MAPKAP1: variants seen among roughly 807,000 people sequenced by gnomAD.
The protein encoded by MAPKAP1 is MAPK associated protein 1.
A neutral mutation model predicts 65.7 loss-of-function variants in MAPKAP1; 20 were observed. The observed-to-expected ratio is 0.30, with a 90% CI of 0.21 to 0.44. MAPKAP1 has a LOEUF of 0.44. Among genes scored for constraint, MAPKAP1 ranks in the 20% least tolerant of loss-of-function variants. The pLI, the probability that MAPKAP1 is intolerant of heterozygous loss-of-function variation, is 1.00. For missense variants in MAPKAP1, 423 were observed against 648.0 expected (o/e 0.65, Z 3.77); for synonymous variants, 222 against 244.3 (o/e 0.91, Z 0.85).
At chr9:125,535,911 G>C (rs1484131716) in intron 7 of MAPKAP1, among the ~76,000 whole-genome samples, 1 of 152,016 alleles carries the variant, frequency 6.6e-6, no homozygotes, top group African/African-American at 2.4e-5. Context: ...CTTCCTTTCA[G>C]TCTGCTTTTT....
chr9:125,503,880 C>CTTTTTTTTTTTTTTT lies in MAPKAP1; in HGVS notation c.1066+2415_1066+2429dup, dbSNP rs35867576. 1.0e-3 allele frequency among the ~76,000 whole-genome samples: 67 copies of CTTTTTTTTTTTTTTT among 66,238 alleles called. 10 individuals carry two copies. Among genetic ancestry groups the CTTTTTTTTTTTTTTT allele is most frequent in the East Asian group, 4.5e-3 (7 of 1,540 alleles). 43.5% of individuals were successfully genotyped at this position (66,238 alleles called of 152,430 possible). On this transcript the variant is annotated intron_variant, in intron 8 of 11. Transcript: ENST00000265960. ...TATAGGCACCCGCCACCACGCTTGGCTTTTTTTTTTTTTTTTTTTTTTTTT... is the reference window on the plus strand; with the variant it reads ...TATAGGCACCCGCCACCACGCTTGGCTTTTTTTTTTTTTTTTTTTTTTTTTTTTTTTTTTTTTTTT...
In MAPKAP1 at chr9:125,669,851, T is replaced by A; in HGVS notation, c.316A>T (p.Ile106Phe). Residue 106 changes from isoleucine (I) to phenylalanine (F), a missense_variant, in exon 3 of 12, where the codon ATT becomes TTT. Around this residue, in one of 6 missense-constraint regions of MAPKAP1, gnomAD observed 67 missense variants for 69.6 expected, o/e 0.96. Transcript: ENST00000265960. The stretch of plus-strand genomic sequence containing the variant: ...TTAGAATTTCTTTCTTTCCACTGAA[T>A]ATTTTTGCATTTGATCTGGTTTTGT... The part of the protein sequence containing the change: ...ERQNQIKCKN[I>F]QWKERNSKQS... The A allele has an allele frequency of 6.3e-7, 1 of 1,592,884 alleles. No individual in the cohort carries two copies. The highest frequency in any genetic ancestry group is 8.6e-7 in the Non-Finnish European group (1 of 1,166,974).
chr9:125,453,866 G>A (rs1264034193), intron 10 of MAPKAP1, among the ~76,000 whole-genome samples: 4 of 152,196 alleles, frequency 2.6e-5, no homozygotes, highest in Non-Finnish European at 4.4e-5. Flanking sequence ...CAAGCTCAGT[G>A]ATGGAAATTT....
At chr9:125,626,421 C>G (rs564792255) in intron 4 of MAPKAP1, among the ~76,000 whole-genome samples, 20 of 152,344 alleles carry the variant, frequency 1.3e-4, no homozygotes, top group African/African-American at 4.8e-4. Flanking sequence ...AAGCTTGTCT[C>G]CTATGCAGAT....
At position 125,447,906 on chromosome 9, in the gene MAPKAP1, G is replaced by T. The variant is rs1043194275; in HGVS notation, c.1346-3308C>A. ...GAAGATGCCACAGGGCAAGGAAACG[G>T]CATGGGCAAACATACAGGGTCTCCA... On this transcript the variant is annotated intron_variant, in intron 10 of 11. Coordinates refer to ENST00000265960, the MANE Select transcript of MAPKAP1 (RefSeq NM_001006617.3). The surrounding 1 kb of genome is among the most constrained non-coding windows in gnomAD (Gnocchi z 4.5). 8.5e-5 allele frequency among the ~76,000 whole-genome samples: 13 copies of T among 152,210 alleles called. No individual in the cohort carries two copies. The highest frequency in any genetic ancestry group is 2.1e-4 in the South Asian group (1 of 4,832).
intron 4 of MAPKAP1, among the ~76,000 whole-genome samples, chr9:125,600,695 C>T (rs1832275545): frequency 6.6e-6 from 1 of 152,054 alleles, no homozygotes; most frequent in Non-Finnish European, 1.5e-5. Flanking sequence ...AGAGAAGAAC[C>T]ACATTCTCTT....
intron 4 of MAPKAP1, among the ~76,000 whole-genome samples, chr9:125,623,737 G>GC (rs1387919458): frequency 7.1e-5 from 3 of 42,410 alleles, no homozygotes; most frequent in African/African-American, 1.6e-4. Context: ...CCGGCCAGCC[G>GC]CCCCATCCGG....
At chr9:125,443,928 G>A (rs1283059199) in intron 11 of MAPKAP1, among the ~76,000 whole-genome samples, 1 of 152,054 alleles carries the variant, frequency 6.6e-6, no homozygotes, top group Non-Finnish European at 1.5e-5. Context: ...TGTGTTTTAT[G>A]CCTGTTTCCT....
At chr9:125,525,010 C>G (rs1038125035) in intron 7 of MAPKAP1, among the ~76,000 whole-genome samples, 1 of 152,244 alleles carries the variant, frequency 6.6e-6, no homozygotes, top group African/African-American at 2.4e-5. Context: ...AAATGAGCAG[C>G]TGCGCAGACA....
intron 9 of MAPKAP1, among the ~76,000 whole-genome samples, chr9:125,483,707 G>A (rs1854397397): frequency 6.6e-6 from 1 of 152,182 alleles, no homozygotes; most frequent in African/African-American, 2.4e-5. Flanking sequence ...CCTAACCACT[G>A]TGTGAGTTGG....
Position 125,439,057 on chromosome 9 carries a change from C to G in MAPKAP1, c.1444-45G>C, listed in dbSNP as rs758580796. 6.2e-6 allele frequency: 10 copies of G among 1,605,208 alleles called. No individual in the cohort carries two copies. Among genetic ancestry groups the G allele is most frequent in the Non-Finnish European group, 8.5e-6 (10 of 1,175,602 alleles). On this transcript the variant is annotated intron_variant, in intron 11 of 11. Coordinates refer to ENST00000265960, the MANE Select transcript of MAPKAP1 (RefSeq NM_001006617.3). This position sits in a 1 kb window ranked among gnomAD's most constrained non-coding sequence, Gnocchi z 4.0. ...GCCCGGTCACCTTGCCAGCCGCTCCCTACCCACCCAGGGCATCGGAGGGGG... is the reference window on the plus strand; with the variant it reads ...GCCCGGTCACCTTGCCAGCCGCTCCGTACCCACCCAGGGCATCGGAGGGGG...
chr9:125,701,030 G>C (rs1264898485), intron 1 of MAPKAP1, among the ~76,000 whole-genome samples: 1 of 152,180 alleles, frequency 6.6e-6, no homozygotes, highest in Non-Finnish European at 1.5e-5. Flanking sequence ...AGTGGTTCCT[G>C]ACCTGCCAGC....
Position 125,672,606 on chromosome 9 carries a change from AT to A in MAPKAP1, c.-33del, listed in dbSNP as rs1834528884. 6.2e-7 allele frequency: 1 copy of A among 1,609,090 alleles called. No homozygotes were observed. Among genetic ancestry groups the A allele is most frequent in the Non-Finnish European group, 8.5e-7 (1 of 1,176,510 alleles). ...TGTGGGCCAATTTCCTTAAAAGGCT[AT>A]TTTCTCCTCTTCATATTGTTTCACG... On this transcript the variant is annotated 5_prime_UTR_variant, in exon 2 of 12. The change abolishes the stop of an existing upstream ORF in the 5' untranslated region. Coordinates refer to ENST00000265960, the MANE Select transcript of MAPKAP1 (RefSeq NM_001006617.3).
In MAPKAP1 at chr9:125,690,229, A is replaced by G. The variant is rs1835125953; in HGVS notation, c.-70+16742T>C. Reference sequence around the variant, plus strand: ...CTTAGCCACCTTAATAGTTAAAAAAAAGAGAGAGAGCTGGCAATTAAACCA... The same window carrying G: ...CTTAGCCACCTTAATAGTTAAAAAAGAGAGAGAGAGCTGGCAATTAAACCA... On this transcript the variant is annotated intron_variant, in intron 1 of 11. Coordinates refer to ENST00000265960, the MANE Select transcript of MAPKAP1 (RefSeq NM_001006617.3). Among the ~76,000 whole-genome samples, 3 of 152,238 alleles carry G rather than the reference A, an allele frequency of 2.0e-5. No individual in the cohort carries two copies. In the South Asian group the frequency reaches 6.2e-4, roughly 31 times the overall value.
At chr9:125,609,240 G>A (rs968054655) in intron 4 of MAPKAP1, among the ~76,000 whole-genome samples, 3 of 152,060 alleles carry the variant, frequency 2.0e-5, no homozygotes, top group African/African-American at 7.2e-5. Flanking sequence ...TATCTTTGAG[G>A]TCTCTATAGA....
intron 7 of MAPKAP1, among the ~76,000 whole-genome samples, chr9:125,537,259 T>C (rs1830099591): frequency 6.6e-6 from 1 of 152,220 alleles, no homozygotes; most frequent in South Asian, 2.1e-4. Context: ...ACAGTTACCA[T>C]AGGTCCTTAA....
intron 2 of MAPKAP1, among the ~76,000 whole-genome samples, chr9:125,670,670 T>C (rs1393864078): frequency 6.6e-6 from 1 of 152,210 alleles, no homozygotes. Flanking sequence ...TGTGATTATA[T>C]TGCCACTGGC....
chr9:125,451,954 C>T (rs970792437), intron 10 of MAPKAP1, among the ~76,000 whole-genome samples: 2 of 151,996 alleles, frequency 1.3e-5, no homozygotes, highest in African/African-American at 2.4e-5. Context: ...GGATTACAGG[C>T]GCCTGCCACC....
At chr9:125,670,050 C>T (rs564287683) in intron 2 of MAPKAP1, 143 bp from the exon 3 acceptor site, 2 of 489,634 alleles carry the variant, frequency 4.1e-6, no homozygotes, top group South Asian at 6.3e-5. Context: ...GGTGGCACCC[C>T]TGAAAAGCAA....
Sources: allele counts gnomAD v4.1 joint callset (sites outside exome capture counted in the v4.1 genomes callset), GRCh38; gene constraint gnomAD v4.1.1; regional missense constraint gnomAD v4.1.1; non-coding constraint Gnocchi (gnomAD v3.1); transcripts MANE v1.5; gene names NCBI Gene and HGNC (gene_info 2026-07-23, HGNC 2026-07-21).